EEPD1: variants seen among roughly 807,000 people sequenced by gnomAD.
EEPD1 encodes endonuclease/exonuclease/phosphatase family domain containing 1, also known as endonuclease/exonuclease/phosphatase family domain-containing protein 1.
Under a neutral mutation model 46.3 loss-of-function variants are expected in EEPD1, and 17 were observed. That is an observed-to-expected ratio of 0.37 (90% CI 0.25 to 0.55). The LOEUF (loss-of-function observed/expected upper bound fraction) is 0.55, where lower values mean the gene tolerates loss of function less well. Among genes scored for constraint, EEPD1 ranks in the 20% least tolerant of loss-of-function variants. EEPD1 has a pLI of 0.83. For missense variants in EEPD1, 673 were observed against 745.6 expected, an observed-to-expected ratio of 0.90 and a Z score of 1.13; for synonymous variants, 313 against 315.6, an observed-to-expected ratio of 0.99 and a Z score of 0.09.
chr7:36,298,987 T>TGGGC lies in EEPD1; in HGVS notation c.1511-20_1511-19insGGGC. The TGGGC allele has an allele frequency of 6.2e-7, 1 of 1,612,760 alleles. No homozygotes were observed. Among genetic ancestry groups the TGGGC allele is most frequent in the Non-Finnish European group, 8.5e-7 (1 of 1,179,300 alleles). On this transcript the variant is annotated intron_variant, in intron 7 of 7. Coordinates refer to ENST00000242108, the MANE Select transcript of EEPD1 (RefSeq NM_030636.3). Reference sequence around the variant, plus strand: ...ACCCCCCATCCTGATTCCCGGTCTCTTTCCTTCCTCTCCCTTCAGGTCACT... The same window carrying TGGGC: ...ACCCCCCATCCTGATTCCCGGTCTCTGGGCTTCCTTCCTCTCCCTTCAGGTCACT...
At chr7:36,180,237 C>T (rs16880939) in intron 2 of EEPD1, among the ~76,000 whole-genome samples, 16,778 of 152,264 alleles carry the variant, frequency 0.11, 938 homozygotes, top group Admixed American at 0.15. Context: ...ACCTCCTGTG[C>T]GTGGGCATGA....
At chr7:36,236,255 C>T (rs1786437092) in intron 2 of EEPD1, among the ~76,000 whole-genome samples, 1 of 152,210 alleles carries the variant, frequency 6.6e-6, no homozygotes, top group African/African-American at 2.4e-5. Flanking sequence ...CTGGCGAGGC[C>T]GGAGCCGGCT....
rs577157070 is a variant in EEPD1, at chr7:36,295,513, A to T, written c.1316-1480A>T. 4.9e-4 allele frequency among the ~76,000 whole-genome samples: 75 copies of T among 152,346 alleles called. 1 individual carries two copies. The highest frequency in any genetic ancestry group is 1.7e-3 in the African/African-American group (71 of 41,582). ...GCAGAATTCCAGATAACATGTGTAG[A>T]TACTCTAGCCTAAAGGAGGGGGAGC... On this transcript the variant is annotated intron_variant, in intron 6 of 7. Transcript: ENST00000242108.
intron 5 of EEPD1, among the ~76,000 whole-genome samples, chr7:36,286,118 C>T (rs1028047159): frequency 6.6e-6 from 1 of 152,150 alleles, no homozygotes. Context: ...ATGGGTGATA[C>T]TGATAATCCA....
Position 36,215,629 on chromosome 7 carries a change from G to A in EEPD1, c.879-23356G>A, listed in dbSNP as rs373287009. Among the ~76,000 whole-genome samples the A allele has an allele frequency of 5.9e-5, 9 of 152,380 alleles. No homozygotes were observed. In the South Asian group the frequency reaches 1.2e-3, roughly 21 times the overall value. ...CATTCTCAAAGCCTGTAGGCACCAT[G>A]TGTTGGGGCCATTGCTGCCTGGGAT... On this transcript the variant is annotated intron_variant, in intron 2 of 7. Transcript: ENST00000242108.
At chr7:36,241,785 T>C (rs1490709724) in intron 3 of EEPD1, among the ~76,000 whole-genome samples, 1 of 152,132 alleles carries the variant, frequency 6.6e-6, no homozygotes, top group East Asian at 1.9e-4. Flanking sequence ...GGATAATCGC[T>C]TGAGTCTGGG....
chr7:36,257,984 G>A (rs555423941), intron 3 of EEPD1, among the ~76,000 whole-genome samples: 1 of 152,160 alleles, frequency 6.6e-6, no homozygotes, highest in East Asian at 1.9e-4. Flanking sequence ...GGTCTTTGAT[G>A]GTGGTGACCT....
chr7:36,299,318 C>A lies in EEPD1; in HGVS notation c.*112C>A. The stretch of plus-strand genomic sequence containing the variant: ...TGCCTTTTAATTTTTATTCTCAGAG[C>A]ATCAGCACTTGAGGCCTTGCCCCAC... On this transcript the variant is annotated 3_prime_UTR_variant, in exon 8 of 8. Transcript: ENST00000242108. 7.8e-7 allele frequency: 1 copy of A among 1,285,020 alleles called. No individual in the cohort carries two copies. The highest frequency in any genetic ancestry group is 1.1e-6 in the Non-Finnish European group (1 of 939,022). 79.6% of individuals were successfully genotyped at this position (1,285,020 alleles called of 1,614,324 possible).
intron 2 of EEPD1, among the ~76,000 whole-genome samples, chr7:36,223,111 A>G (rs1285805537): frequency 6.6e-6 from 1 of 152,112 alleles, no homozygotes; most frequent in Non-Finnish European, 1.5e-5. Flanking sequence ...AGATCACGCT[A>G]CTGCACTCCA....
intron 2 of EEPD1, among the ~76,000 whole-genome samples, chr7:36,235,596 A>G (rs1786418505): frequency 6.6e-6 from 1 of 152,270 alleles, no homozygotes; most frequent in South Asian, 2.1e-4. Context: ...CCTTCCAGGC[A>G]GGGAATGCCA....
chr7:36,279,848 G>C (rs1787233775), intron 3 of EEPD1, among the ~76,000 whole-genome samples: 1 of 152,230 alleles, frequency 6.6e-6, no homozygotes. Flanking sequence ...ACCGCAGAGA[G>C]GTGCATCAGC....
intron 6 of EEPD1, among the ~76,000 whole-genome samples, chr7:36,290,143 C>T (rs891199272): frequency 6.6e-6 from 1 of 152,136 alleles, no homozygotes; most frequent in Non-Finnish European, 1.5e-5. Flanking sequence ...TGTTCTTGAT[C>T]TCAAACTTTT....
At chr7:36,231,694 A>G (rs541364849) in intron 2 of EEPD1, among the ~76,000 whole-genome samples, 14 of 152,296 alleles carry the variant, frequency 9.2e-5, no homozygotes, top group Non-Finnish European at 1.9e-4. Context: ...GGTATTCAGT[A>G]TAAGTTTGCA....
At chr7:36,240,050 C>T (rs780716184) in intron 3 of EEPD1, among the ~76,000 whole-genome samples, 2 of 152,148 alleles carry the variant, frequency 1.3e-5, no homozygotes, top group Non-Finnish European at 2.9e-5. Context: ...TGGAGGGTTG[C>T]TTGAGCCCAG....
At chr7:36,281,309 C>T (rs1443223404) in intron 4 of EEPD1, 84 bp downstream of exon 4, 1 of 1,244,766 alleles carries the variant, frequency 8.0e-7, no homozygotes, top group East Asian at 2.5e-5. Context: ...TAAAAATTTC[C>T]TTTGCCAATA....
rs572738496 is a variant in EEPD1 at position 36,199,455 on chromosome 7, G to T, written c.879-39530G>T. 5.9e-5 allele frequency among the ~76,000 whole-genome samples: 9 copies of T among 152,274 alleles called. No individual in the cohort carries two copies. In the East Asian group the frequency reaches 1.7e-3, roughly 29 times the overall value. On this transcript the variant is annotated intron_variant, in intron 2 of 7. Transcript: ENST00000242108. Reference sequence around the variant, plus strand: ...TGCTGAGAGAGGGCAGGTGTGGGTGGCAGGAGCATGGCATTTTTTGGGAAT... The same window carrying T: ...TGCTGAGAGAGGGCAGGTGTGGGTGTCAGGAGCATGGCATTTTTTGGGAAT...
Position 36,185,587 on chromosome 7 carries a change from C to T in EEPD1, c.878+30385C>T, listed in dbSNP as rs996274167. ...TGGTATGAGGCATCCATGTGGCAGACGTGTACCAGTGATTGCTGAGCATGT... is the reference window on the plus strand; with the variant it reads ...TGGTATGAGGCATCCATGTGGCAGATGTGTACCAGTGATTGCTGAGCATGT... On this transcript the variant is annotated intron_variant, in intron 2 of 7. Transcript: ENST00000242108. Among the ~76,000 whole-genome samples, 21 of 9,896 alleles carry T rather than the reference C, an allele frequency of 2.1e-3. No homozygotes were observed. The Admixed American group carries it at 0.043, about 20-fold the overall frequency. 6.5% of individuals were successfully genotyped at this position (9,896 alleles called of 152,430 possible).
At chr7:36,201,845 C>T (rs927086997) in intron 2 of EEPD1, among the ~76,000 whole-genome samples, 1 of 152,150 alleles carries the variant, frequency 6.6e-6, no homozygotes, top group African/African-American at 2.4e-5. Context: ...CTGGATGGAG[C>T]CTGAGGTAAA....
At chr7:36,165,411 C>CT (rs56236165) in intron 2 of EEPD1, among the ~76,000 whole-genome samples, 5,181 of 62,028 alleles carry the variant, frequency 0.084, 1,580 homozygotes, top group African/African-American at 0.18. Flanking sequence ...GATCCATTTC[C>CT]TTTTTTTTTT....
Sources: gnomAD v4.1 joint callset for allele counts (sites outside exome capture counted in the v4.1 genomes callset) on GRCh38, gnomAD v4.1.1 for gene constraint, MANE v1.5 for transcripts, NCBI Gene and HGNC (gene_info 2026-07-23, HGNC 2026-07-21) for gene names.